The following ANXA4 variants were observed in gnomAD, a reference collection of about 807,000 sequenced individuals.
The protein encoded by ANXA4 is 35-beta calcimedin.
Under a neutral mutation model 49.8 loss-of-function variants are expected in ANXA4, and 39 were observed. That is an observed-to-expected ratio of 0.78 (90% CI 0.61 to 1.02). The LOEUF (loss-of-function observed/expected upper bound fraction) is 1.02, where lower values mean the gene tolerates loss of function less well. Ranked by LOEUF, ANXA4 falls within the 50% of genes least tolerant of loss-of-function variation. The pLI is 0.00. For synonymous variants in ANXA4, 134 were observed against 152.5 expected, an observed-to-expected ratio of 0.88 and a Z score of 0.89; for missense variants, 360 against 410.1, an observed-to-expected ratio of 0.88 and a Z score of 1.05.
intron 2 of ANXA4, among the ~76,000 whole-genome samples, chr2:69,670,476 G>A (rs1417146192): frequency 6.7e-6 from 1 of 149,046 alleles, no homozygotes; most frequent in African/African-American, 2.5e-5. Flanking sequence ...TGAGACAAAT[G>A]CTAAAATAGA....
In ANXA4 at chr2:69,656,202, T is replaced by TAC. The variant is rs1465363750; in HGVS notation, n.766+2921_766+2922insCA. 1.2e-4 allele frequency among the ~76,000 whole-genome samples: 16 copies of TAC among 137,560 alleles called. 2 individuals carry two copies. Among genetic ancestry groups the TAC allele is most frequent in the African/African-American group, 4.5e-4 (16 of 35,346 alleles). The allele number at this position is 137,560 out of a possible 152,430, so 90.2% of individuals were successfully genotyped here. ...AAATATATATACGTATATATATATA[T>TAC]ATACACACACATATATATGTATATA... On this transcript the variant is annotated intron_variant and non_coding_transcript_variant, in intron 2 of 3. Coordinates refer to the ANXA4 transcript ENST00000418066.
At chr2:69,793,387 G>A (rs909375238) in intron 3 of ANXA4, among the ~76,000 whole-genome samples, 2 of 151,820 alleles carry the variant, frequency 1.3e-5, no homozygotes, top group Non-Finnish European at 2.9e-5. Context: ...TATTTTTAAA[G>A]ATTAAAGTCA....
At chr2:69,663,475 G>A (rs1288898366) in intron 2 of ANXA4, among the ~76,000 whole-genome samples, 2 of 151,872 alleles carry the variant, frequency 1.3e-5, no homozygotes. Context: ...AAAACTTTGA[G>A]AAATCTACTA....
At chr2:69,805,075 A>AT (rs1023292769) in intron 4 of ANXA4, among the ~76,000 whole-genome samples, 2 of 150,760 alleles carry the variant, frequency 1.3e-5, no homozygotes, top group Non-Finnish European at 3.0e-5. Context: ...AAAAAAAAGA[A>AT]TAGCGATTCA....
intron 2 of ANXA4, among the ~76,000 whole-genome samples, chr2:69,701,026 C>A (rs947891505): frequency 6.6e-6 from 1 of 152,102 alleles, no homozygotes; most frequent in Non-Finnish European, 1.5e-5. Context: ...GCACCCGCCA[C>A]CACATCTGGC....
chr2:69,816,801 A>C (rs1335019122), intron 9 of ANXA4: 1 of 152,286 alleles, frequency 6.6e-6, no homozygotes, highest in African/African-American at 2.4e-5. Context: ...GGATATAATA[A>C]GATATTTCAT....
exon 1 of ANXA4, chr2:69,644,649 G>C (rs917485547): frequency 1.3e-5 from 2 of 152,228 alleles, no homozygotes; most frequent in Non-Finnish European, 2.9e-5. Flanking sequence ...CCGTTGGCTT[G>C]ACCTCAAAAC....
intron 1 of ANXA4, among the ~76,000 whole-genome samples, chr2:69,746,337 C>T (rs1433216694): frequency 2.0e-5 from 3 of 152,188 alleles, no homozygotes; most frequent in Non-Finnish European, 1.5e-5. Flanking sequence ...ATACCAATCA[C>T]ATCTCCCTTG....
chr2:69,671,025 C>CAAAAAA (rs762968256), intron 2 of ANXA4, among the ~76,000 whole-genome samples: 22 of 32,452 alleles, frequency 6.8e-4, no homozygotes, highest in Admixed American at 1.2e-3. Context: ...GACTCCATCT[C>CAAAAAA]AAAAAAAAAA....
chr2:69,805,304 G>C (rs1044278209), intron 4 of ANXA4, among the ~76,000 whole-genome samples: 1 of 151,862 alleles, frequency 6.6e-6, no homozygotes, highest in African/African-American at 2.4e-5. Context: ...AGAAACAGGT[G>C]ACTAGTTAAA....
intron 1 of ANXA4, among the ~76,000 whole-genome samples, chr2:69,773,824 G>A (rs986217441): frequency 2.0e-5 from 3 of 151,318 alleles, no homozygotes; most frequent in Non-Finnish European, 2.9e-5. Context: ...TAGAGACGGG[G>A]TTTCACCATA....
chr2:69,665,419 A>C (rs7597906), intron 2 of ANXA4, among the ~76,000 whole-genome samples: 2,091 of 152,248 alleles, frequency 0.014, 47 homozygotes, highest in African/African-American at 0.047. Flanking sequence ...TCTGAGTGGT[A>C]CCACCTAGCT....
chr2:69,774,466 G>A (rs1160419763), intron 1 of ANXA4, among the ~76,000 whole-genome samples: 3 of 150,906 alleles, frequency 2.0e-5, no homozygotes, highest in Admixed American at 6.6e-5. Context: ...AGCCTTCCGA[G>A]TAGCTGGGAT....
intron 2 of ANXA4, among the ~76,000 whole-genome samples, chr2:69,656,327 A>ATATG (rs1676472180): frequency 9.9e-6 from 1 of 100,546 alleles, no homozygotes; most frequent in Non-Finnish European, 1.7e-5. Context: ...ATATATGTAT[A>ATATG]TATATGTGTA....
intron 2 of ANXA4, among the ~76,000 whole-genome samples, chr2:69,719,293 G>A (rs967620599): frequency 3.2e-5 from 4 of 124,556 alleles, no homozygotes; most frequent in Non-Finnish European, 6.7e-5. Context: ...TTTTGAGGCA[G>A]GGTCTCGCTC....
intron 8 of ANXA4, among the ~76,000 whole-genome samples, chr2:69,813,758 C>CTCTTT (rs1294748742): frequency 6.1e-4 from 50 of 82,004 alleles, no homozygotes; most frequent in African/African-American, 1.8e-3. Flanking sequence ...CTCTCTCTCT[C>CTCTTT]TTTTTTTTTT....
At chr2:69,808,260 T>A in intron 6 of ANXA4, 1 of 383,656 alleles carries the variant, frequency 2.6e-6, no homozygotes, top group South Asian at 2.7e-5. Flanking sequence ...AAGTTGTTCC[T>A]TATTATCAGA....
intron 2 of ANXA4, among the ~76,000 whole-genome samples, chr2:69,678,389 CTTT>C (rs150952411): frequency 2.6e-5 from 2 of 78,364 alleles, no homozygotes; most frequent in South Asian, 4.5e-4. Flanking sequence ...CTTTTCTTTT[CTTT>C]TTTTTTTTTT....
chr2:69,768,234 A>G lies in ANXA4; in HGVS notation c.-46-13286A>G, dbSNP rs540991790. On this transcript the variant is annotated intron_variant, in intron 1 of 12. Coordinates refer to ENST00000394295, the MANE Select transcript of ANXA4 (RefSeq NM_001153.5). ...ATGATATAATAGTGACAAAACACAT[A>G]AGCATTCAGTACAACTAGCTCAATA... Among the ~76,000 whole-genome samples the G allele has an allele frequency of 2.0e-5, 3 of 152,324 alleles. No individual in the cohort carries two copies. In the East Asian group the frequency reaches 5.8e-4, roughly 29 times the overall value.
Sources: allele counts gnomAD v4.1 joint callset (sites outside exome capture counted in the v4.1 genomes callset), GRCh38; gene constraint gnomAD v4.1.1; transcripts MANE v1.5; gene names NCBI Gene and HGNC (gene_info 2026-07-23, HGNC 2026-07-21).